TMTC2: variants seen among roughly 807,000 people sequenced by gnomAD.
TMTC2 encodes the protein protein O-mannosyl-transferase TMTC2.
In TMTC2, 43 loss-of-function variants were observed where a neutral mutation model predicts 82.4. That is an observed-to-expected ratio of 0.52 (90% CI 0.41 to 0.67). The LOEUF (loss-of-function observed/expected upper bound fraction) is 0.67. Ranked by LOEUF, TMTC2 falls within the 30% of genes least tolerant of loss-of-function variation. TMTC2 has a pLI of 0.00. For missense variants in TMTC2, 919 were observed against 1,012.4 expected, an observed-to-expected ratio of 0.91 and a Z score of 1.25; for synonymous variants, 408 against 381.9, an observed-to-expected ratio of 1.07 and a Z score of -0.80.
chr12:82,865,431 T>A (rs1363637499), intron 2 of TMTC2, among the ~76,000 whole-genome samples: 3 of 151,876 alleles, frequency 2.0e-5, no homozygotes, highest in Non-Finnish European at 4.4e-5. Flanking sequence ...TACATAATGG[T>A]AAAGGGATCA....
intron 9 of TMTC2, among the ~76,000 whole-genome samples, chr12:83,044,485 C>T (rs919210376): frequency 3.9e-5 from 6 of 152,172 alleles, no homozygotes; most frequent in African/African-American, 1.4e-4. Context: ...GAATAACAAT[C>T]CGATTTCCAT....
At chr12:82,745,055 C>T (rs7968480) in intron 1 of TMTC2, among the ~76,000 whole-genome samples, 1 of 151,988 alleles carries the variant, frequency 6.6e-6, no homozygotes, top group Non-Finnish European at 1.5e-5. Context: ...AAGAACTCCT[C>T]AGAATATAAA....
chr12:82,888,277 T>C (rs958315413), intron 2 of TMTC2, among the ~76,000 whole-genome samples: 4 of 152,200 alleles, frequency 2.6e-5, no homozygotes, highest in African/African-American at 9.7e-5. Context: ...TACAACAAAG[T>C]TGTAGTTAGG....
intron 1 of TMTC2, among the ~76,000 whole-genome samples, chr12:82,817,183 G>A (rs1420281779): frequency 6.6e-6 from 1 of 151,804 alleles, no homozygotes; most frequent in Non-Finnish European, 1.5e-5. Context: ...TGGCCACGCT[G>A]GTCTCAAACT....
intron 11 of TMTC2, among the ~76,000 whole-genome samples, chr12:83,100,789 A>T (rs566783184): frequency 1.3e-5 from 2 of 152,284 alleles, no homozygotes; most frequent in South Asian, 4.1e-4. Context: ...AACAAATACT[A>T]AAAAAACTGA....
chr12:83,042,947 T>C (rs1445380186), intron 9 of TMTC2, among the ~76,000 whole-genome samples: 2 of 152,202 alleles, frequency 1.3e-5, no homozygotes, highest in Non-Finnish European at 2.9e-5. Flanking sequence ...TGGGTATCTT[T>C]TCCTTGTTCA....
intron 2 of TMTC2, among the ~76,000 whole-genome samples, chr12:82,876,020 A>AATG (rs1872471891): frequency 2.6e-5 from 2 of 75,634 alleles, no homozygotes; most frequent in African/African-American, 1.3e-4. Context: ...TAATGGTAGT[A>AATG]GTGGTGGCGG....
chr12:82,836,829 A>G (rs1870067652), intron 1 of TMTC2, among the ~76,000 whole-genome samples: 4 of 151,620 alleles, frequency 2.6e-5, no homozygotes, highest in Non-Finnish European at 5.9e-5. Flanking sequence ...ACAGGATAGA[A>G]AAAAAAAACA....
intron 4 of TMTC2, among the ~76,000 whole-genome samples, chr12:82,952,046 T>C (rs1454597292): frequency 6.6e-6 from 1 of 152,194 alleles, no homozygotes; most frequent in Non-Finnish European, 1.5e-5. Context: ...CCAGAAACTA[T>C]AGCTTTGTCT....
At chr12:82,806,442 G>A (rs903145230) in intron 1 of TMTC2, among the ~76,000 whole-genome samples, 2 of 152,062 alleles carry the variant, frequency 1.3e-5, no homozygotes, top group African/African-American at 4.8e-5. Context: ...CTTGGTATTT[G>A]GCATTTTTGT....
chr12:83,095,230 G>T lies in TMTC2; in HGVS notation c.2331+33399G>T, dbSNP rs201610813. On this transcript the variant is annotated intron_variant, in intron 11 of 11. Coordinates refer to ENST00000321196, the MANE Select transcript of TMTC2 (RefSeq NM_152588.3). ...CCAAAATTTCATGGTTTTTTTTTTT[G>T]TTTTTTTTTTTGTTTTTTTTGTTTT... is the stretch of plus-strand genomic sequence containing the variant. Among the ~76,000 whole-genome samples the T allele has an allele frequency of 1.1e-3, 141 of 126,268 alleles. 1 individual carries two copies. In the South Asian group the frequency reaches 0.029, roughly 26 times the overall value. The allele number at this position is 126,268 out of a possible 152,430, so 82.8% of individuals were successfully genotyped here.
chr12:83,123,007 C>CT (rs1448821208), intron 11 of TMTC2, among the ~76,000 whole-genome samples: 1 of 152,212 alleles, frequency 6.6e-6, no homozygotes, highest in Non-Finnish European at 1.5e-5. Flanking sequence ...ACTTTAAAGT[C>CT]TGTTAGAAAT....
At chr12:82,945,488 C>T (rs1246439259) in intron 4 of TMTC2, among the ~76,000 whole-genome samples, 2 of 152,086 alleles carry the variant, frequency 1.3e-5, no homozygotes, top group African/African-American at 4.8e-5. Context: ...GTTTTAATGC[C>T]TTTTGTTTGG....
intron 1 of TMTC2, among the ~76,000 whole-genome samples, chr12:82,753,669 G>A (rs1592901611): frequency 2.6e-5 from 4 of 152,300 alleles, no homozygotes; most frequent in African/African-American, 9.6e-5. Flanking sequence ...TATAACTTGT[G>A]AAATTTAGGT....
chr12:82,943,941 C>T (rs980432271), intron 4 of TMTC2, among the ~76,000 whole-genome samples: 1 of 151,832 alleles, frequency 6.6e-6, no homozygotes, highest in Non-Finnish European at 1.5e-5. Context: ...CTTATATTAT[C>T]GTGACAAGGT....
chr12:82,946,443 C>T (rs888427339), intron 4 of TMTC2, among the ~76,000 whole-genome samples: 7 of 152,116 alleles, frequency 4.6e-5, no homozygotes, highest in African/African-American at 7.2e-5. Context: ...CTCCCATTTA[C>T]CCCTGCAGAA....
intron 1 of TMTC2, among the ~76,000 whole-genome samples, chr12:82,691,553 G>T (rs1370874766): frequency 6.6e-6 from 1 of 152,014 alleles, no homozygotes; most frequent in Non-Finnish European, 1.5e-5. Flanking sequence ...TTTAAAACCT[G>T]CATTCTTTCT....
chr12:82,919,656 G>A (rs763166700), intron 3 of TMTC2, among the ~76,000 whole-genome samples: 1 of 152,160 alleles, frequency 6.6e-6, no homozygotes, highest in Non-Finnish European at 1.5e-5. Context: ...GCATAGGGTA[G>A]GCATTCTCGT....
rs147544734 is a variant in TMTC2 at position 83,124,160 on chromosome 12, T to G, written c.2332-8050T>G. 7.2e-5 allele frequency among the ~76,000 whole-genome samples: 11 copies of G among 152,370 alleles called. No individual in the cohort carries two copies. In the East Asian group the frequency reaches 2.1e-3, roughly 29 times the overall value. On this transcript the variant is annotated intron_variant, in intron 11 of 11. Transcript: ENST00000321196. Reference sequence around the variant, plus strand: ...GTAAATGCCAAGTATGTACTTAAAATTACTTCAAGCTACATACAGACTAAA... The same window carrying G: ...GTAAATGCCAAGTATGTACTTAAAAGTACTTCAAGCTACATACAGACTAAA...
Sources: gnomAD v4.1 joint callset for allele counts (sites outside exome capture counted in the v4.1 genomes callset) on GRCh38, gnomAD v4.1.1 for gene constraint, MANE v1.5 for transcripts, NCBI Gene and HGNC (gene_info 2026-07-23, HGNC 2026-07-21) for gene names.